The following RANBP17 variants were observed in gnomAD, a reference collection of about 807,000 sequenced individuals.
The protein encoded by RANBP17 is ran-binding protein 17.
A neutral mutation model predicts 141.2 loss-of-function variants in RANBP17; 158 were observed. The ratio of observed to expected loss-of-function variants is 1.12; its 90% CI spans 0.98 to 1.28. The LOEUF is 1.28. RANBP17 is among the 50% of genes most tolerant of loss of function. The pLI, the probability that RANBP17 is intolerant of heterozygous loss-of-function variation, is 0.00. For synonymous variants in RANBP17, 430 were observed against 450.0 expected, an observed-to-expected ratio of 0.96 and a Z score of 0.56; for missense variants, 1,438 against 1,290.7, an observed-to-expected ratio of 1.11 and a Z score of -1.75.
At chr5:170,991,122 A>G (rs888296465) in intron 14 of RANBP17, among the ~76,000 whole-genome samples, 2 of 151,924 alleles carry the variant, frequency 1.3e-5, no homozygotes, top group African/African-American at 4.8e-5. Context: ...CTACACTCCA[A>G]TTTTTAATAT....
intron 25 of RANBP17, among the ~76,000 whole-genome samples, chr5:171,288,132 G>C (rs1351566092): frequency 6.6e-6 from 1 of 152,138 alleles, no homozygotes; most frequent in Non-Finnish European, 1.5e-5. Flanking sequence ...ATTTTCCAGA[G>C]ACAGCCTGTT....
chr5:171,296,170 G>T (rs138777084), intron 27 of RANBP17, among the ~76,000 whole-genome samples, 156 bp downstream of exon 27: 1 of 152,130 alleles, frequency 6.6e-6, no homozygotes, highest in Non-Finnish European at 1.5e-5. Flanking sequence ...AGTAAATATT[G>T]TTGGTTATTT....
chr5:171,002,891 G>A (rs574712741), intron 14 of RANBP17, among the ~76,000 whole-genome samples: 132 of 152,258 alleles, frequency 8.7e-4, no homozygotes, highest in African/African-American at 3.0e-3. Flanking sequence ...AATGTGGGAG[G>A]CCGGATTGAA....
intron 14 of RANBP17, among the ~76,000 whole-genome samples, chr5:171,053,173 A>T (rs1451255153): frequency 2.7e-5 from 4 of 147,626 alleles, no homozygotes; most frequent in Non-Finnish European, 4.5e-5. Context: ...ATGCCTTAGA[A>T]TTTTTTTTTT....
chr5:171,218,404 G>T (rs1223330055), intron 21 of RANBP17, among the ~76,000 whole-genome samples: 1 of 152,096 alleles, frequency 6.6e-6, no homozygotes, highest in African/African-American at 2.4e-5. Context: ...TGTCTATTAG[G>T]TTTACTTGGT....
chr5:171,165,182 T>G (rs933661866), intron 14 of RANBP17, among the ~76,000 whole-genome samples: 25 of 151,476 alleles, frequency 1.7e-4, no homozygotes, highest in African/African-American at 5.6e-4. Flanking sequence ...TAGGTTTTTT[T>G]GTTTTTTTGT....
chr5:171,055,069 T>A (rs1783250064), intron 14 of RANBP17, among the ~76,000 whole-genome samples: 1 of 152,144 alleles, frequency 6.6e-6, no homozygotes, highest in Admixed American at 6.6e-5. Flanking sequence ...AAGAGTACAA[T>A]ATCAGTGTAT....
intron 14 of RANBP17, among the ~76,000 whole-genome samples, chr5:171,047,347 T>G (rs947534843): frequency 6.6e-6 from 1 of 152,062 alleles, no homozygotes; most frequent in East Asian, 1.9e-4. Context: ...TGGGTAATGA[T>G]GTTGAACGGT....
At chr5:170,926,038 T>G (rs1772887800) in intron 12 of RANBP17, among the ~76,000 whole-genome samples, 1 of 152,214 alleles carries the variant, frequency 6.6e-6, no homozygotes, top group Admixed American at 6.5e-5. Flanking sequence ...CTTTAGTAGG[T>G]ACTGTTAAAC....
intron 1 of RANBP17, among the ~76,000 whole-genome samples, chr5:170,874,103 C>T (rs191814317): frequency 6.6e-6 from 1 of 152,054 alleles, no homozygotes; most frequent in East Asian, 1.9e-4. Flanking sequence ...CATTATTTAC[C>T]CAGGAGTCAT....
intron 14 of RANBP17, among the ~76,000 whole-genome samples, chr5:171,063,087 T>C (rs1784018907): frequency 6.6e-6 from 1 of 152,146 alleles, no homozygotes; most frequent in African/African-American, 2.4e-5. Flanking sequence ...GTTTTTAACT[T>C]CTTTGCCTTT....
chr5:170,865,573 A>G (rs1185431276), intron 1 of RANBP17, among the ~76,000 whole-genome samples: 1 of 152,112 alleles, frequency 6.6e-6, no homozygotes, highest in Non-Finnish European at 1.5e-5. Flanking sequence ...CACAGTTAGA[A>G]AATATTGCTT....
chr5:171,236,085 G>A (rs1764527354), intron 22 of RANBP17, among the ~76,000 whole-genome samples: 1 of 152,038 alleles, frequency 6.6e-6, no homozygotes, highest in South Asian at 2.1e-4. Flanking sequence ...CACCATTTAT[G>A]TCCAGAGACC....
intron 21 of RANBP17, among the ~76,000 whole-genome samples, chr5:171,220,192 C>G: frequency 6.6e-6 from 1 of 152,098 alleles, no homozygotes; most frequent in East Asian, 1.9e-4. Flanking sequence ...ACTCCAGATC[C>G]TGTTTGCCTG....
intron 25 of RANBP17, among the ~76,000 whole-genome samples, chr5:171,286,709 A>G (rs910021620): frequency 6.6e-6 from 1 of 152,192 alleles, no homozygotes; most frequent in Non-Finnish European, 1.5e-5. Flanking sequence ...ATCACATTTC[A>G]ATATCCGCTG....
At chr5:170,937,426 A>G (rs1306461511) in intron 12 of RANBP17, among the ~76,000 whole-genome samples, 1 of 152,170 alleles carries the variant, frequency 6.6e-6, no homozygotes, top group African/African-American at 2.4e-5. Context: ...TCCTTTGGCC[A>G]TTAGAGGAGA....
intron 14 of RANBP17, among the ~76,000 whole-genome samples, chr5:171,049,244 T>C (rs1307824092): frequency 6.6e-6 from 1 of 152,236 alleles, no homozygotes; most frequent in Non-Finnish European, 1.5e-5. Context: ...ATGCTGAATA[T>C]TTTTTATATG....
chr5:171,184,438 C>T lies in RANBP17; in HGVS notation c.2038+1008C>T, dbSNP rs143155817. ...ATGTGAAATCTAAAAAAGTTGATCT[C>T]ATAGAACTAGAGAGTAGAATGGTGG... is the stretch of plus-strand genomic sequence containing the variant. On this transcript the variant is annotated intron_variant, in intron 18 of 27. Transcript: ENST00000523189. Among the ~76,000 whole-genome samples the T allele has an allele frequency of 8.8e-4, 134 of 152,218 alleles. 2 individuals are homozygous for T. The highest frequency in any genetic ancestry group is 3.2e-3 in the African/African-American group (132 of 41,528).
chr5:171,169,301 C>G (rs572914341), intron 14 of RANBP17, among the ~76,000 whole-genome samples: 39 of 152,168 alleles, frequency 2.6e-4, no homozygotes, highest in Non-Finnish European at 4.7e-4. Context: ...AAATCCCATA[C>G]AGCTGGTGAC....
Sources: allele counts gnomAD v4.1 joint callset (sites outside exome capture counted in the v4.1 genomes callset), GRCh38; gene constraint gnomAD v4.1.1; transcripts MANE v1.5; gene names NCBI Gene and HGNC (gene_info 2026-07-23, HGNC 2026-07-21).